The following TARBP1 variants were observed in gnomAD, a reference collection of about 807,000 sequenced individuals.
The protein encoded by TARBP1 is tRNA (guanosine(18)-2'-O)-methyltransferase TARBP1.
In TARBP1, 144 loss-of-function variants were observed where a neutral mutation model predicts 178.6. The ratio of observed to expected loss-of-function variants is 0.81; its 90% CI spans 0.70 to 0.93. The LOEUF is 0.93. TARBP1 is among the 40% of genes least tolerant of loss of function. The probability of loss-of-function intolerance (pLI) is 0.00; values close to 1 mark genes in which losing one functional copy is unlikely to be tolerated. For synonymous variants in TARBP1, 787 were observed against 781.0 expected (o/e 1.01, Z -0.13); for missense variants, 2,067 against 2,011.7 (o/e 1.03, Z -0.53).
intron 26 of TARBP1, 62 bp downstream of exon 26, chr1:234,398,320 T>C: frequency 7.0e-7 from 1 of 1,438,518 alleles, no homozygotes; most frequent in Non-Finnish European, 9.3e-7. Flanking sequence ...CTTAGTAACT[T>C]AAATCAAAAA....
chr1:234,460,164 T>C (rs1165716229), intron 7 of TARBP1, 97 bp downstream of exon 7: 3 of 1,338,684 alleles, frequency 2.2e-6, no homozygotes, highest in Non-Finnish European at 1.0e-6. Flanking sequence ...ATATTAACTA[T>C]ATCCATTTAC....
At chr1:234,411,625 T>A (rs562881298) in intron 22 of TARBP1, among the ~76,000 whole-genome samples, 2 of 152,296 alleles carry the variant, frequency 1.3e-5, no homozygotes, top group South Asian at 4.1e-4. Context: ...AATGGAATCA[T>A]ACTGTAGAGG....
In TARBP1 at chr1:234,430,256, C is replaced by A; in HGVS notation, c.2440G>T (p.Ala814Ser). 6.2e-7 allele frequency: 1 copy of A among 1,614,118 alleles called. No homozygotes were observed. The highest frequency in any genetic ancestry group is 2.2e-5 in the East Asian group (1 of 44,888). Residue 814 changes from alanine to serine, a missense_variant, in exon 15 of 30, where the codon GCC becomes TCC. By Grantham distance (99) the Ala-to-Ser change is moderately conservative. Transcript: ENST00000040877. ...ATGGCCTCACACACCATGGCCAAGG[C>A]AGCCATGCTCACTACTCTCTGAATC... The part of the protein sequence containing the change: ...SQIQRVVSMA[A>S]LAMVCEAIDQ...
chr1:234,469,967 T>C (rs1668874096), intron 3 of TARBP1, among the ~76,000 whole-genome samples: 1 of 152,168 alleles, frequency 6.6e-6, no homozygotes, highest in South Asian at 2.1e-4. Context: ...GATATATTCA[T>C]ACCAAAGAGT....
chr1:234,406,435 C>T (rs1363213076), intron 23 of TARBP1: 1 of 209,980 alleles, frequency 4.8e-6, no homozygotes, highest in Non-Finnish European at 9.7e-6. Flanking sequence ...TCAAATGGAG[C>T]CTCCATCTCC....
chr1:234,445,251 C>A (rs932815076), intron 12 of TARBP1, among the ~76,000 whole-genome samples: 14 of 152,252 alleles, frequency 9.2e-5, no homozygotes, highest in African/African-American at 3.4e-4. Context: ...GTACCCTCTG[C>A]TGTTCCTCTT....
intron 4 of TARBP1, 107 bp from the exon 5 acceptor site, chr1:234,465,815 G>T: frequency 9.9e-7 from 1 of 1,005,592 alleles, no homozygotes; most frequent in Non-Finnish European, 1.4e-6. Flanking sequence ...CAGAAGACCT[G>T]CTATAAGCAA....
chr1:234,409,883 C>T (rs551678787), intron 23 of TARBP1, among the ~76,000 whole-genome samples: 10 of 152,302 alleles, frequency 6.6e-5, no homozygotes, highest in South Asian at 6.2e-4. Context: ...AATTCTTCAA[C>T]GGCTGCCATA....
chr1:234,413,156 TG>T (rs1662035670), intron 22 of TARBP1, among the ~76,000 whole-genome samples: 1 of 152,128 alleles, frequency 6.6e-6, no homozygotes, highest in Non-Finnish European at 1.5e-5. Flanking sequence ...AGGAGCCATT[TG>T]GAAGTCCCAG....
At chr1:234,460,064 T>C (rs1214545707) in intron 7 of TARBP1, among the ~76,000 whole-genome samples, 197 bp downstream of exon 7, 3 of 152,194 alleles carry the variant, frequency 2.0e-5, no homozygotes, top group African/African-American at 4.8e-5. Context: ...AACTAGTAAT[T>C]TGTAAAACAA....
intron 12 of TARBP1, among the ~76,000 whole-genome samples, chr1:234,438,695 G>C (rs1423604769): frequency 6.6e-6 from 1 of 152,172 alleles, no homozygotes; most frequent in Non-Finnish European, 1.5e-5. Context: ...AGAAGGAAAA[G>C]AGAAAGACAG....
chr1:234,392,887 A>C (rs574683857), intron 28 of TARBP1, among the ~76,000 whole-genome samples: 3 of 151,436 alleles, frequency 2.0e-5, no homozygotes, highest in Non-Finnish European at 2.9e-5. Context: ...ATTTTTTTTT[A>C]TTTTTTATTT....
intron 3 of TARBP1, among the ~76,000 whole-genome samples, chr1:234,469,720 G>A (rs1668851802): frequency 6.6e-6 from 1 of 152,220 alleles, no homozygotes; most frequent in South Asian, 2.1e-4. Context: ...CTATTGGGCT[G>A]CATTTAGCTA....
chr1:234,401,153 G>A, intron 25 of TARBP1, 28 bp downstream of exon 25: 1 of 1,571,812 alleles, frequency 6.4e-7, no homozygotes, highest in Non-Finnish European at 8.7e-7. Flanking sequence ...ATACAATAGA[G>A]AATTTACAAA....
chr1:234,398,458 A>G lies in TARBP1; in HGVS notation c.4167T>C (p.Ala1389=), dbSNP rs770067090. The part of the protein sequence containing the change: ...KFTRFTDVPL[A]AGFQWYLSQT... ...GAGAAAGGTACCACTGAAATCCCGCAGCTAAAGGAACATCAGTGAATCTGG... is the reference window on the plus strand; with the variant it reads ...GAGAAAGGTACCACTGAAATCCCGCGGCTAAAGGAACATCAGTGAATCTGG... Residue 1389 remains alanine (A), a synonymous_variant, in exon 26 of 30, where the codon GCT becomes GCC. Transcript: ENST00000040877. 11 of 1,611,896 alleles carry G rather than the reference A, an allele frequency of 6.8e-6. No homozygotes were observed. In the Admixed American group the frequency reaches 1.3e-4, roughly 20 times the overall value.
chr1:234,452,989 T>G (rs371064653), intron 9 of TARBP1, among the ~76,000 whole-genome samples: 2 of 152,210 alleles, frequency 1.3e-5, no homozygotes, highest in East Asian at 3.9e-4. Context: ...TGATTCCAAC[T>G]ATGTGGCATT....
rs537556127 is a variant in TARBP1 at position 234,398,627 on chromosome 1, A to G, written c.4072-74T>C. The G allele has an allele frequency of 7.0e-5, 79 of 1,126,046 alleles. No individual in the cohort carries two copies. The Middle Eastern group carries it at 9.8e-4, about 14-fold the overall frequency. The allele number at this position is 1,126,046 out of a possible 1,614,324, so 69.8% of individuals were successfully genotyped here. ...AGAAATATATAACATTTAAAATACA[A>G]CTTAATTATTAATGATATATTCTCC... On this transcript the variant is annotated intron_variant, in intron 25 of 29. Transcript: ENST00000040877.
chr1:234,452,203 C>T (rs1666854749), intron 9 of TARBP1, among the ~76,000 whole-genome samples: 1 of 152,132 alleles, frequency 6.6e-6, no homozygotes, highest in Non-Finnish European at 1.5e-5. Flanking sequence ...AAATGGCAGT[C>T]TCTGGGTAGG....
intron 1 of TARBP1, among the ~76,000 whole-genome samples, chr1:234,474,595 T>C (rs1455043260): frequency 6.6e-6 from 1 of 152,164 alleles, no homozygotes; most frequent in Non-Finnish European, 1.5e-5. Context: ...ACAGTTCCTG[T>C]ATAAATAAAC....
Sources: gnomAD v4.1 joint callset for allele counts (sites outside exome capture counted in the v4.1 genomes callset) on GRCh38, gnomAD v4.1.1 for gene constraint, MANE v1.5 for transcripts, NCBI Gene and HGNC (gene_info 2026-07-23, HGNC 2026-07-21) for gene names.